The following HTR7 variants were observed in gnomAD, a reference collection of about 807,000 sequenced individuals.
The protein encoded by HTR7 is 5-hydroxytryptamine receptor 7.
A neutral mutation model predicts 34.0 loss-of-function variants in HTR7; 16 were observed. The ratio of observed to expected loss-of-function variants is 0.47; its 90% CI spans 0.32 to 0.71. The LOEUF (loss-of-function observed/expected upper bound fraction) is 0.71, where lower values mean the gene tolerates loss of function less well. Ranked by LOEUF, HTR7 falls within the 30% of genes least tolerant of loss-of-function variation. The pLI is 0.04. For missense variants in HTR7, 504 were observed against 625.5 expected, an observed-to-expected ratio of 0.81 and a Z score of 2.07; for synonymous variants, 265 against 260.2, an observed-to-expected ratio of 1.02 and a Z score of -0.18.
intron 1 of HTR7, among the ~76,000 whole-genome samples, chr10:90,831,901 G>A (rs1385158541): frequency 6.6e-6 from 1 of 152,136 alleles, no homozygotes; most frequent in Non-Finnish European, 1.5e-5. Context: ...CCCTTAGCTA[G>A]ACATAAATGT....
At chr10:90,854,366 T>TC (rs1345023624) in intron 1 of HTR7, among the ~76,000 whole-genome samples, 1 of 150,244 alleles carries the variant, frequency 6.7e-6, no homozygotes, top group African/African-American at 2.5e-5. Context: ...TCCACCTCAC[T>TC]CCCCCCAAAA....
At chr10:90,799,042 C>G (rs932790210) in intron 1 of HTR7, among the ~76,000 whole-genome samples, 6 of 152,080 alleles carry the variant, frequency 3.9e-5, no homozygotes, top group African/African-American at 1.2e-4. Flanking sequence ...TATTGTAAAA[C>G]CTAAGATTAG....
chr10:90,769,264 TC>T (rs1172900291), intron 1 of HTR7, among the ~76,000 whole-genome samples: 1 of 152,376 alleles, frequency 6.6e-6, no homozygotes, highest in African/African-American at 2.4e-5. Context: ...GACATTTGTC[TC>T]CATATTTCAT....
At chr10:90,770,010 CCT>C (rs1178283030) in intron 1 of HTR7, among the ~76,000 whole-genome samples, 5 of 152,252 alleles carry the variant, frequency 3.3e-5, no homozygotes, top group African/African-American at 1.2e-4. Flanking sequence ...TGGCTGGACC[CCT>C]GTGCCCCGCA....
intron 1 of HTR7, among the ~76,000 whole-genome samples, chr10:90,840,104 T>C (rs919765234): frequency 3.3e-5 from 5 of 151,226 alleles, no homozygotes; most frequent in Non-Finnish European, 7.4e-5. Flanking sequence ...TTGGTTTGCA[T>C]GCAATCATCT....
chr10:90,748,282 G>A (rs1307054414), intron 2 of HTR7, among the ~76,000 whole-genome samples: 5 of 152,074 alleles, frequency 3.3e-5, no homozygotes, highest in South Asian at 2.1e-4. Context: ...TTACAGAGGC[G>A]CTCCACCATG....
At chr10:90,762,769 T>G (rs1844960636) in intron 1 of HTR7, among the ~76,000 whole-genome samples, 1 of 152,222 alleles carries the variant, frequency 6.6e-6, no homozygotes, top group Admixed American at 6.5e-5. Flanking sequence ...TGGTGTCAGA[T>G]ACTACATTTA....
chr10:90,806,373 C>T (rs1038865916), intron 1 of HTR7, among the ~76,000 whole-genome samples: 7 of 152,100 alleles, frequency 4.6e-5, no homozygotes, highest in South Asian at 4.2e-4. Flanking sequence ...CTGAGGTGGG[C>T]GGATCACGAG....
intron 1 of HTR7, among the ~76,000 whole-genome samples, chr10:90,754,978 T>A (rs1011737885): frequency 1.3e-5 from 2 of 152,214 alleles, no homozygotes; most frequent in African/African-American, 4.8e-5. Flanking sequence ...AACTGCCAGA[T>A]TATAAGAATC....
rs1038751568 is a variant in HTR7, at chr10:90,744,238, GCCA to G, written c.1296-551_1296-549del. ...GGTTCTGATTACAAGTCTCCTACTA[GCCA>G]CCACCACCTCTGCAGCCACCCCAGC... On this transcript the variant is annotated intron_variant, in intron 2 of 3. Coordinates refer to ENST00000336152, the MANE Select transcript of HTR7 (RefSeq NM_019859.4). Among the ~76,000 whole-genome samples the G allele has an allele frequency of 4.2e-4, 63 of 149,816 alleles. 1 individual carries two copies. Among genetic ancestry groups the G allele is most frequent in the African/African-American group, 1.4e-3 (57 of 40,632 alleles).
intron 1 of HTR7, among the ~76,000 whole-genome samples, chr10:90,754,537 C>T (rs922333785): frequency 1.3e-5 from 2 of 152,096 alleles, no homozygotes; most frequent in Admixed American, 6.6e-5. Flanking sequence ...CTGTAAAATG[C>T]ATACGAATGT....
chr10:90,853,649 C>T (rs974972175), intron 1 of HTR7, among the ~76,000 whole-genome samples: 13 of 151,892 alleles, frequency 8.6e-5, no homozygotes, highest in African/African-American at 3.1e-4. Context: ...TAAATTAGCA[C>T]AAGGGAACTT....
At chr10:90,742,589 A>T in intron 3 of HTR7, 61 bp from the exon 4 acceptor site, 3 of 1,227,254 alleles carry the variant, frequency 2.4e-6, no homozygotes, top group Non-Finnish European at 3.5e-6. Flanking sequence ...GTGAGTTTTC[A>T]TTTTGTGGTA....
intron 1 of HTR7, among the ~76,000 whole-genome samples, chr10:90,781,485 G>A (rs1430444247): frequency 6.6e-6 from 1 of 152,108 alleles, no homozygotes; most frequent in Admixed American, 6.5e-5. Context: ...TTCCCCACAA[G>A]ATCCAGAAGA....
intron 1 of HTR7, among the ~76,000 whole-genome samples, chr10:90,826,298 A>G (rs530791454): frequency 6.6e-5 from 10 of 152,354 alleles, no homozygotes; most frequent in African/African-American, 1.9e-4. Flanking sequence ...TGCCCAGACA[A>G]ACAAATGCTG....
At chr10:90,832,205 A>T (rs1037685298) in intron 1 of HTR7, among the ~76,000 whole-genome samples, 7 of 152,256 alleles carry the variant, frequency 4.6e-5, no homozygotes, top group Non-Finnish European at 7.4e-5. Context: ...GGTGGATGGG[A>T]CCAGGCGCCG....
chr10:90,787,960 C>T (rs561316383), intron 1 of HTR7, among the ~76,000 whole-genome samples: 1 of 152,070 alleles, frequency 6.6e-6, no homozygotes, highest in South Asian at 2.1e-4. Context: ...TAGTTGTCTT[C>T]GTAACCCACT....
chr10:90,843,884 A>C (rs959645476), intron 1 of HTR7, among the ~76,000 whole-genome samples: 10 of 152,226 alleles, frequency 6.6e-5, no homozygotes, highest in Non-Finnish European at 1.2e-4. Context: ...AAAAAAATCA[A>C]AGAGAAGAAT....
rs138419441 is a variant in HTR7 at position 90,857,218 on chromosome 10, G to A, written c.454C>T (p.His152Tyr). 4 of 1,613,988 alleles carry A rather than the reference G, an allele frequency of 2.5e-6. No homozygotes were observed. The African/African-American group carries it at 4.0e-5, about 16-fold the overall frequency. ...GCGATGAAGACATTACAGAAAAAGT[G>A]TCCAAAGATCCACTTGCCCCCGATG... is the stretch of plus-strand genomic sequence containing the variant. Reference protein sequence around the residue: ...DLIGGKWIFGHFFCNVFIAMD... With the variant: ...DLIGGKWIFGYFFCNVFIAMD... Residue 152 changes from histidine (H) to tyrosine (Y), a missense_variant, in exon 1 of 4, where the codon CAC becomes TAC. Physicochemically the swap from His to Tyr is moderately conservative, Grantham distance 83. Transcript: ENST00000336152. This position sits in a 1 kb window ranked among gnomAD's most constrained non-coding sequence, Gnocchi z 6.5.
Sources: allele counts gnomAD v4.1 joint callset (sites outside exome capture counted in the v4.1 genomes callset), GRCh38; gene constraint gnomAD v4.1.1; non-coding constraint Gnocchi (gnomAD v3.1); transcripts MANE v1.5; gene names NCBI Gene and HGNC (gene_info 2026-07-23, HGNC 2026-07-21).